The following RAPGEF1 variants were observed in gnomAD, a reference collection of about 807,000 sequenced individuals.
The protein encoded by RAPGEF1 is Rap guanine nucleotide exchange factor 1, also known as CRK SH3-binding GNRP.
Under a neutral mutation model 143.3 loss-of-function variants are expected in RAPGEF1, and 33 were observed. The observed-to-expected ratio is 0.23, with a 90% CI of 0.17 to 0.31. RAPGEF1 has a LOEUF of 0.31. RAPGEF1 is among the 10% of genes least tolerant of loss of function. The pLI is 1.00. For missense variants in RAPGEF1, 1,199 were observed against 1,645.4 expected (o/e 0.73, Z 4.69); for synonymous variants, 629 against 676.5 (o/e 0.93, Z 1.09).
At chr9:131,685,449 G>T (rs1833264582) in intron 1 of RAPGEF1, among the ~76,000 whole-genome samples, 2 of 152,218 alleles carry the variant, frequency 1.3e-5, no homozygotes, top group African/African-American at 4.8e-5. Context: ...AAGGAACACG[G>T]GGCCCACCCA....
rs941338196 is a variant in RAPGEF1, at chr9:131,737,674, A to T, written c.61+2096T>A. On this transcript the variant is annotated intron_variant, in intron 1 of 26. Coordinates refer to ENST00000683357, the MANE Select transcript of RAPGEF1 (RefSeq NM_001377935.1). ...TGACAGGCAACTTTTTCCTTTTTTT[A>T]AAAAAAGAGGCCCAGCGCGGTGGCT... 45 of 1,207,212 alleles carry T rather than the reference A, an allele frequency of 3.7e-5. No homozygotes were observed. In the African/African-American group the frequency reaches 4.9e-4, roughly 13 times the overall value. The allele number at this position is 1,207,212 out of a possible 1,614,324, so 74.8% of individuals were successfully genotyped here.
At chr9:131,721,205 G>A (rs1424172402) in intron 1 of RAPGEF1, among the ~76,000 whole-genome samples, 1 of 152,178 alleles carries the variant, frequency 6.6e-6, no homozygotes, top group Admixed American at 6.5e-5. Context: ...GAACGCGATA[G>A]ATGTTAATGA....
At chr9:131,654,255 C>T (rs1027406339) in intron 1 of RAPGEF1, among the ~76,000 whole-genome samples, 1 of 152,038 alleles carries the variant, frequency 6.6e-6, no homozygotes, top group Admixed American at 6.5e-5. Flanking sequence ...AAGAACTGTA[C>T]CCTTTTTGAA....
chr9:131,630,422 T>C, intron 5 of RAPGEF1, 98 bp from the exon 6 acceptor site: 2 of 1,180,730 alleles, frequency 1.7e-6, no homozygotes, highest in East Asian at 2.4e-5. Flanking sequence ...CTGCTGAGTC[T>C]CATTTCTGTG....
intron 12 of RAPGEF1, among the ~76,000 whole-genome samples, chr9:131,614,104 G>A (rs148346666): frequency 2.0e-4 from 31 of 152,108 alleles, no homozygotes; most frequent in East Asian, 7.8e-4. Flanking sequence ...CATGTGGACC[G>A]TGCAAAGGGA....
chr9:131,579,759 A>ACGGATGCTGCAGGGGCTAC, intron 26 of RAPGEF1, 112 bp from the exon 27 acceptor site: 1 of 1,176,796 alleles, frequency 8.5e-7, no homozygotes, highest in Admixed American at 2.4e-5. Flanking sequence ...CTCGCAGCAA[A>ACGGATGCTGCAGGGGCTAC]CGGATGCTGC....
intron 1 of RAPGEF1, among the ~76,000 whole-genome samples, chr9:131,676,855 C>G (rs575375649): frequency 2.6e-5 from 4 of 152,352 alleles, no homozygotes; most frequent in African/African-American, 9.6e-5. Context: ...CCAACAACGA[C>G]GGCAGCTTCA....
Position 131,721,336 on chromosome 9 carries a change from G to A in RAPGEF1, c.61+18434C>T, listed in dbSNP as rs367947623. Among the ~76,000 whole-genome samples the A allele has an allele frequency of 5.3e-5, 8 of 152,306 alleles. No individual in the cohort carries two copies. The East Asian group carries it at 1.3e-3, about 26-fold the overall frequency. ...GGGAAGTGTGCTCATCCCTCCATCT[G>A]TCACGCGCTCTGTCAGCACGGTGAT... On this transcript the variant is annotated intron_variant, in intron 1 of 26. Transcript: ENST00000683357.
chr9:131,606,504 A>G (rs565957092), intron 12 of RAPGEF1, among the ~76,000 whole-genome samples: 78 of 152,354 alleles, frequency 5.1e-4, no homozygotes, highest in African/African-American at 1.8e-3. Flanking sequence ...AGTCAAGCCC[A>G]GTGCAAATGT....
intron 7 of RAPGEF1, 49 bp downstream of exon 7, chr9:131,629,053 C>T (rs1464582337): frequency 5.1e-6 from 8 of 1,580,734 alleles, no homozygotes; most frequent in Non-Finnish European, 6.9e-6. Flanking sequence ...TCCTCCCTTT[C>T]TTTCTCATTC....
At chr9:131,593,331 T>A (rs979918174) in intron 17 of RAPGEF1, among the ~76,000 whole-genome samples, 1 of 152,238 alleles carries the variant, frequency 6.6e-6, no homozygotes, top group African/African-American at 2.4e-5. Flanking sequence ...GTCTCTGATA[T>A]TACAGAATGA....
chr9:131,736,951 C>T (rs1837458136), intron 1 of RAPGEF1, among the ~76,000 whole-genome samples: 1 of 152,152 alleles, frequency 6.6e-6, no homozygotes, highest in Admixed American at 6.5e-5. Flanking sequence ...ATTAAAAAAA[C>T]TCCAACAGAA....
intron 18 of RAPGEF1, among the ~76,000 whole-genome samples, chr9:131,591,071 C>T (rs558640862): frequency 6.6e-5 from 10 of 152,390 alleles, no homozygotes; most frequent in African/African-American, 2.4e-4. Context: ...CCAGCAAGTC[C>T]TTGACACGTG....
intron 3 of RAPGEF1, among the ~76,000 whole-genome samples, chr9:131,645,848 C>T (rs566307939): frequency 1.3e-5 from 2 of 152,326 alleles, no homozygotes; most frequent in African/African-American, 4.8e-5. Flanking sequence ...CTGGGGATGG[C>T]TTAGAGACAA....
intron 13 of RAPGEF1, 32 bp from the exon 14 acceptor site, chr9:131,604,085 TGGGCCAGGCCCTCCAGCCGGCCCTCACA>T: frequency 7.9e-7 from 1 of 1,271,708 alleles, no homozygotes; most frequent in Non-Finnish European, 1.0e-6. Context: ...GAAAGACACA[TGGGCCAGGCCCTCCAGCCGGCCCTCACA>T]GCTGGCCAGG....
At position 131,578,104 on chromosome 9, in the gene RAPGEF1, T is replaced by C. The variant is rs1211626807; in HGVS notation, c.*1393A>G. ...CCCGGGACAAGTGAGCACTCATTCA[T>C]GCACAGCAGACCCGGAGGCATGGGC... On this transcript the variant is annotated 3_prime_UTR_variant, in exon 27 of 27. Transcript: ENST00000683357. 3 of 152,224 alleles carry C rather than the reference T, an allele frequency of 2.0e-5. No homozygotes were observed. The highest frequency in any genetic ancestry group is 7.2e-5 in the African/African-American group (3 of 41,414). 9.4% of individuals were successfully genotyped at this position (152,224 alleles called of 1,614,324 possible).
At chr9:131,637,252 G>T (rs1005337573) in intron 5 of RAPGEF1, among the ~76,000 whole-genome samples, 4 of 151,844 alleles carry the variant, frequency 2.6e-5, no homozygotes, top group African/African-American at 9.7e-5. Flanking sequence ...AGGAGAACAT[G>T]GGAGAATTCA....
At chr9:131,580,521 C>A in intron 25 of RAPGEF1, 130 bp from the exon 26 acceptor site, 1 of 1,117,446 alleles carries the variant, frequency 8.9e-7, no homozygotes, top group East Asian at 2.6e-5. Context: ...AAGAGCCAGT[C>A]TGAGGTGTCT....
At position 131,650,345 on chromosome 9, in the gene RAPGEF1, T is replaced by C; in HGVS notation, c.202-103A>G. 2.4e-6 allele frequency: 2 copies of C among 831,516 alleles called. No individual in the cohort carries two copies. The highest frequency in any genetic ancestry group is 3.3e-5 in the South Asian group (2 of 59,760). 51.5% of individuals were successfully genotyped at this position (831,516 alleles called of 1,614,324 possible). ...AATAGCTGTTTCAACATATCTGGCTTGACTGGCCCTGCTGAGGCCACTAAC... is the reference window on the plus strand; with the variant it reads ...AATAGCTGTTTCAACATATCTGGCTCGACTGGCCCTGCTGAGGCCACTAAC... On this transcript the variant is annotated intron_variant, in intron 2 of 26. Transcript: ENST00000683357. The surrounding 1 kb of genome is among the most constrained non-coding windows in gnomAD (Gnocchi z 4.7).
Sources: allele counts gnomAD v4.1 joint callset (sites outside exome capture counted in the v4.1 genomes callset), GRCh38; gene constraint gnomAD v4.1.1; non-coding constraint Gnocchi (gnomAD v3.1); transcripts MANE v1.5; gene names NCBI Gene and HGNC (gene_info 2026-07-23, HGNC 2026-07-21).